IL1RAPL1: variants seen among roughly 807,000 people sequenced by gnomAD.
IL1RAPL1 encodes the protein interleukin 1 receptor accessory protein like 1.
A neutral mutation model predicts 48.4 loss-of-function variants in IL1RAPL1; 3 were observed. The observed-to-expected ratio is 0.06, with a 90% CI of 0.03 to 0.16. The LOEUF is 0.16. Among genes scored for constraint, IL1RAPL1 ranks in the 10% least tolerant of loss-of-function variants. The pLI is 1.00. For synonymous variants in IL1RAPL1, 185 were observed against 187.7 expected, an observed-to-expected ratio of 0.99 and a Z score of 0.12; for missense variants, 349 against 530.6, an observed-to-expected ratio of 0.66 and a Z score of 3.36.
intron 2 of IL1RAPL1, among the ~76,000 whole-genome samples, chrX:29,136,034 G>T (rs1259979325): frequency 8.9e-6 from 1 of 111,781 alleles, no homozygotes; most frequent in African/African-American, 3.2e-5. Flanking sequence ...ACTGTGCTCA[G>T]CCATTAAGTC....
chrX:28,715,725 G>GTCACAT, intron 1 of IL1RAPL1, among the ~76,000 whole-genome samples: 1 of 111,088 alleles, frequency 9.0e-6, no homozygotes, highest in African/African-American at 3.3e-5. Context: ...GGACCAGATG[G>GTCACAT]ATTCACAGCT....
chrX:29,357,664 C>A (rs961974084), intron 3 of IL1RAPL1, among the ~76,000 whole-genome samples: 5 of 111,905 alleles, frequency 4.5e-5, no homozygotes, highest in African/African-American at 1.6e-4. Flanking sequence ...TACTAAGCAG[C>A]TGGAAAATAA....
At chrX:29,199,983 C>CT (rs1364877214) in intron 2 of IL1RAPL1, among the ~76,000 whole-genome samples, 2 of 111,231 alleles carry the variant, frequency 1.8e-5, no homozygotes, top group Admixed American at 9.6e-5. Flanking sequence ...GCAATTTATA[C>CT]TTTTTTTACA....
intron 5 of IL1RAPL1, among the ~76,000 whole-genome samples, chrX:29,460,828 A>G (rs1456506511): frequency 8.9e-6 from 1 of 111,905 alleles, no homozygotes; most frequent in Non-Finnish European, 1.9e-5. Context: ...AAACTATGAA[A>G]TGTCCAAAAG....
At chrX:29,934,143 T>G (rs1158625107) in intron 8 of IL1RAPL1, among the ~76,000 whole-genome samples, 1 of 111,993 alleles carries the variant, frequency 8.9e-6, no homozygotes, top group Non-Finnish European at 1.9e-5. Context: ...TAACCTTTCC[T>G]TGAAGGACTG....
chrX:29,373,143 C>T (rs1212605209), intron 3 of IL1RAPL1, among the ~76,000 whole-genome samples: 2 of 111,085 alleles, frequency 1.8e-5, no homozygotes, highest in East Asian at 5.7e-4. Flanking sequence ...TTTCACTACT[C>T]TGGTTAAATA....
intron 2 of IL1RAPL1, among the ~76,000 whole-genome samples, chrX:28,812,775 T>TCCCTTTC (rs1274095190): frequency 9.0e-6 from 1 of 110,866 alleles, no homozygotes; most frequent in African/African-American, 3.3e-5. Flanking sequence ...TTAAGGGTAA[T>TCCCTTTC]ACTATACATA....
chrX:28,598,415 A>G (rs942882802), intron 1 of IL1RAPL1, among the ~76,000 whole-genome samples: 17 of 111,614 alleles, frequency 1.5e-4, no homozygotes, highest in African/African-American at 5.2e-4. Context: ...ATCATTCTAT[A>G]TTGGAAGATG....
chrX:29,933,830 A>G (rs1401225403), intron 8 of IL1RAPL1, among the ~76,000 whole-genome samples: 2 of 110,981 alleles, frequency 1.8e-5, no homozygotes, highest in East Asian at 2.8e-4. Context: ...AAATGCAGCC[A>G]CAGGTTTGTG....
intron 2 of IL1RAPL1, among the ~76,000 whole-genome samples, chrX:29,208,658 C>T (rs1200976636): frequency 4.6e-5 from 5 of 107,647 alleles, no homozygotes; most frequent in Non-Finnish European, 9.6e-5. Flanking sequence ...TTGCAGTGAT[C>T]CGAGATCCCA....
intron 1 of IL1RAPL1, among the ~76,000 whole-genome samples, chrX:28,683,173 A>G (rs772565746): frequency 1.8e-5 from 2 of 111,598 alleles, no homozygotes; most frequent in Admixed American, 1.9e-4. Context: ...CCTGCAAGAT[A>G]GAACTAAGGG....
At chrX:29,337,102 A>G (rs1453471792) in intron 3 of IL1RAPL1, among the ~76,000 whole-genome samples, 2 of 111,679 alleles carry the variant, frequency 1.8e-5, no homozygotes, top group East Asian at 5.6e-4. Context: ...ACTTTGGGGT[A>G]TTGTGTTCTG....
At chrX:29,114,236 A>G (rs890352006) in intron 2 of IL1RAPL1, among the ~76,000 whole-genome samples, 1 of 112,069 alleles carries the variant, frequency 8.9e-6, no homozygotes. Flanking sequence ...CCATAAAACC[A>G]TTTGAGGCTG....
chrX:29,194,087 T>C (rs2363430), intron 2 of IL1RAPL1, among the ~76,000 whole-genome samples: 9,287 of 111,586 alleles, frequency 0.083, 495 homozygotes, highest in African/African-American at 0.2. Flanking sequence ...GGAAATTAGG[T>C]ATATCATTAA....
At chrX:29,134,485 A>G (rs1003074031) in intron 2 of IL1RAPL1, among the ~76,000 whole-genome samples, 19 of 111,862 alleles carry the variant, frequency 1.7e-4, no homozygotes, top group African/African-American at 6.2e-4. Context: ...GAATAGCATC[A>G]TGGTTAAATG....
chrX:28,924,660 T>C (rs1436004979), intron 2 of IL1RAPL1, among the ~76,000 whole-genome samples: 1 of 111,867 alleles, frequency 8.9e-6, no homozygotes, highest in African/African-American at 3.2e-5. Context: ...ACATGAATCC[T>C]GGAAAAGAAA....
At chrX:28,802,620 G>A (rs1330457035) in intron 2 of IL1RAPL1, among the ~76,000 whole-genome samples, 2 of 111,870 alleles carry the variant, frequency 1.8e-5, no homozygotes, top group African/African-American at 6.5e-5. Flanking sequence ...CACTTATTTT[G>A]TATTCCAAAT....
intron 5 of IL1RAPL1, among the ~76,000 whole-genome samples, chrX:29,476,877 T>TTTTTTTTTTTTTTC: frequency 1.9e-5 from 1 of 53,629 alleles, no homozygotes; most frequent in East Asian, 6.5e-4. Flanking sequence ...ATATTCTTTT[T>TTTTTTTTTTTTTTC]TTTTTTTTTT....
At chrX:28,904,285 AT>A (rs1319576888) in intron 2 of IL1RAPL1, among the ~76,000 whole-genome samples, 1 of 112,040 alleles carries the variant, frequency 8.9e-6, no homozygotes, top group Non-Finnish European at 1.9e-5. Flanking sequence ...AAAAGGGTAT[AT>A]AAAATTGGTC....
Sources: gnomAD v4.1 joint callset for allele counts (sites outside exome capture counted in the v4.1 genomes callset) on GRCh38, gnomAD v4.1.1 for gene constraint, MANE v1.5 for transcripts, NCBI Gene and HGNC (gene_info 2026-07-23, HGNC 2026-07-21) for gene names.